SORCS2: variants seen among roughly 807,000 people sequenced by gnomAD.
SORCS2 encodes the protein sortilin related VPS10 domain containing receptor 2, also known as VPS10 domain-containing receptor SorCS2.
In SORCS2, 100 loss-of-function variants were observed where a neutral mutation model predicts 141.6. The observed-to-expected ratio is 0.71, with a 90% CI of 0.60 to 0.83. The LOEUF (loss-of-function observed/expected upper bound fraction) is 0.83. Ranked by LOEUF, SORCS2 falls within the 40% of genes least tolerant of loss-of-function variation. SORCS2 has a pLI of 0.00. For missense variants in SORCS2, 1,646 were observed against 1,560.2 expected (o/e 1.05, Z -0.93); for synonymous variants, 789 against 676.9 (o/e 1.17, Z -2.57).
intron 25 of SORCS2, 127 bp downstream of exon 25, chr4:7,734,501 G>A (rs1004776711): frequency 4.5e-6 from 3 of 661,800 alleles, no homozygotes; most frequent in Non-Finnish European, 7.4e-6. Context: ...GTGAGAGTTT[G>A]TGCCTGTGAT....
intron 1 of SORCS2, among the ~76,000 whole-genome samples, chr4:7,359,182 G>A (rs1238176690): frequency 1.3e-5 from 2 of 152,210 alleles, no homozygotes; most frequent in Non-Finnish European, 2.9e-5. Flanking sequence ...TGTAGTCCCA[G>A]CTACTCAGGA....
intron 1 of SORCS2, among the ~76,000 whole-genome samples, chr4:7,296,883 C>T (rs866049609): frequency 9.8e-5 from 15 of 152,302 alleles, no homozygotes; most frequent in Middle Eastern, 6.8e-3. Context: ...ATGGGTGCCT[C>T]GACTCCCCAG....
chr4:7,529,438 G>T (rs1046671083), intron 2 of SORCS2, among the ~76,000 whole-genome samples: 2 of 152,178 alleles, frequency 1.3e-5, no homozygotes, highest in Non-Finnish European at 2.9e-5. Flanking sequence ...CTTTGCTCAT[G>T]GGCTCCTAGC....
intron 2 of SORCS2, among the ~76,000 whole-genome samples, chr4:7,458,797 A>G (rs1729089550): frequency 6.6e-6 from 1 of 151,764 alleles, no homozygotes; most frequent in South Asian, 2.1e-4. Context: ...TAGCGGGAGC[A>G]GTGGTGGTGT....
At chr4:7,371,405 A>G (rs1284410646) in intron 1 of SORCS2, among the ~76,000 whole-genome samples, 4 of 152,138 alleles carry the variant, frequency 2.6e-5, no homozygotes, top group Non-Finnish European at 4.4e-5. Context: ...CCCATTCTGA[A>G]TGCTCTTCAG....
intron 11 of SORCS2, among the ~76,000 whole-genome samples, chr4:7,690,621 G>A (rs933069212): frequency 2.0e-5 from 3 of 152,064 alleles, no homozygotes; most frequent in East Asian, 3.9e-4. Context: ...TGGATGAGTG[G>A]ATGGGTGGAT....
At chr4:7,739,770 C>A (rs1298593088) in intron 26 of SORCS2, among the ~76,000 whole-genome samples, 3 of 152,180 alleles carry the variant, frequency 2.0e-5, no homozygotes, top group Admixed American at 2.0e-4. Flanking sequence ...ACCCGGCTCA[C>A]CCCTTGGCAC....
intron 1 of SORCS2, among the ~76,000 whole-genome samples, chr4:7,212,969 A>C (rs11932810): frequency 0.92 from 140,415 of 152,312 alleles, 64,818 homozygotes; most frequent in East Asian, 1. Context: ...GGCCATTGGA[A>C]AATACCCTTC....
At chr4:7,694,727 T>C (rs1724486903) in intron 11 of SORCS2, among the ~76,000 whole-genome samples, 1 of 152,190 alleles carries the variant, frequency 6.6e-6, no homozygotes, top group African/African-American at 2.4e-5. Context: ...CAGCCATCGC[T>C]CAGCACCTTT....
chr4:7,591,529 T>G (rs1037781411), intron 3 of SORCS2, among the ~76,000 whole-genome samples: 26 of 152,150 alleles, frequency 1.7e-4, no homozygotes, highest in Admixed American at 1.6e-3. Context: ...GTGTGGACTT[T>G]TGGCTGTGGC....
At chr4:7,422,019 A>G (rs780578410) in intron 2 of SORCS2, among the ~76,000 whole-genome samples, 4 of 152,096 alleles carry the variant, frequency 2.6e-5, no homozygotes, top group Admixed American at 2.0e-4. Context: ...GGAGGGGTTG[A>G]ACCACACCGG....
At chr4:7,344,031 A>G (rs1390069101) in intron 1 of SORCS2, among the ~76,000 whole-genome samples, 1 of 152,204 alleles carries the variant, frequency 6.6e-6, no homozygotes, top group Non-Finnish European at 1.5e-5. Flanking sequence ...AGTTGCCCCA[A>G]GATGTTCTTT....
chr4:7,640,427 TGTGTGA>T (rs1357286508), intron 4 of SORCS2, among the ~76,000 whole-genome samples: 2 of 130,924 alleles, frequency 1.5e-5, no homozygotes, highest in African/African-American at 2.8e-5. Context: ...TGTGATCGTG[TGTGTGA>T]GTCTACATGA....
intron 2 of SORCS2, among the ~76,000 whole-genome samples, chr4:7,497,787 G>C (rs1731719681): frequency 6.6e-6 from 1 of 152,268 alleles, no homozygotes; most frequent in South Asian, 2.1e-4. Flanking sequence ...CCTTGTGGGA[G>C]AACCAGGCCT....
chr4:7,496,432 C>T (rs1358273579), intron 2 of SORCS2, among the ~76,000 whole-genome samples: 2 of 38,360 alleles, frequency 5.2e-5, no homozygotes, highest in Admixed American at 6.3e-4. Context: ...CTGGAGCCCC[C>T]CCCCCCCACT....
Position 7,480,513 on chromosome 4 carries a change from C to T in SORCS2, c.549-51017C>T, listed in dbSNP as rs535959099. On this transcript the variant is annotated intron_variant, in intron 2 of 26. Transcript: ENST00000507866. Reference sequence around the variant, plus strand: ...CTGGGCAGCGTGCTGGGAGTGCAGGCTGTGTTCAGAACAGGCACCCGCCAA... The same window carrying T: ...CTGGGCAGCGTGCTGGGAGTGCAGGTTGTGTTCAGAACAGGCACCCGCCAA... 4.6e-5 allele frequency among the ~76,000 whole-genome samples: 7 copies of T among 152,328 alleles called. No homozygotes were observed. The East Asian group carries it at 1.4e-3, about 29-fold the overall frequency.
At chr4:7,698,236 A>G (rs1219479075) in intron 12 of SORCS2, among the ~76,000 whole-genome samples, 1 of 152,112 alleles carries the variant, frequency 6.6e-6, no homozygotes, top group East Asian at 1.9e-4. Flanking sequence ...TCAAACTTAC[A>G]TATGGCTATC....
chr4:7,640,089 G>A (rs191243442), intron 4 of SORCS2, among the ~76,000 whole-genome samples: 1 of 149,276 alleles, frequency 6.7e-6, no homozygotes. Flanking sequence ...CAGCATGTCA[G>A]TGTGTGCTTG....
intron 2 of SORCS2, among the ~76,000 whole-genome samples, chr4:7,484,446 G>A (rs989208501): frequency 2.0e-5 from 3 of 152,162 alleles, no homozygotes; most frequent in African/African-American, 2.4e-5. Flanking sequence ...GGGGATCAAG[G>A]TGGTGTTGCC....
Sources: allele counts gnomAD v4.1 joint callset (sites outside exome capture counted in the v4.1 genomes callset), GRCh38; gene constraint gnomAD v4.1.1; transcripts MANE v1.5; gene names NCBI Gene and HGNC (gene_info 2026-07-23, HGNC 2026-07-21).